The following ARL17B variants were observed in gnomAD, a reference collection of about 807,000 sequenced individuals.
ARL17B encodes the protein ARF like GTPase 17B, also known as ADP-ribosylation factor-like protein 17.
At chr17:46,288,075 C>T (rs975571706) in intron 4 of ARL17B, among the ~76,000 whole-genome samples, 1 of 152,128 alleles carries the variant, frequency 6.6e-6, no homozygotes, top group Non-Finnish European at 1.5e-5. Context: ...GAATGGAAGT[C>T]GTCCTCAAGC....
Position 46,275,339 on chromosome 17 carries a change from C to T in ARL17B, c.*101G>A, listed in dbSNP as rs191565624. On this transcript the variant is annotated 3_prime_UTR_variant, in exon 5 of 5. Coordinates refer to the ARL17B transcript ENST00000570618. Reference sequence around the variant, plus strand: ...CCTTAATTTAAAATAGTTCAGGCAACAAGATTCTTGCTGTGTTTTATGTTA... The same window carrying T: ...CCTTAATTTAAAATAGTTCAGGCAATAAGATTCTTGCTGTGTTTTATGTTA... 639 of 921,562 alleles carry T rather than the reference C, an allele frequency of 6.9e-4. 3 individuals carry two copies. Among genetic ancestry groups the T allele is most frequent in the Non-Finnish European group, 1.2e-4 (74 of 617,340 alleles). The allele number at this position is 921,562 out of a possible 1,614,324, so 57.1% of individuals were successfully genotyped here.
At chr17:46,323,998 G>C (rs1181230081) in intron 3 of ARL17B, among the ~76,000 whole-genome samples, 1 of 103,408 alleles carries the variant, frequency 9.7e-6, no homozygotes, top group Admixed American at 9.7e-5. Context: ...TGTGGACTTT[G>C]GTAACTGCAG....
intron 4 of ARL17B, among the ~76,000 whole-genome samples, chr17:46,283,857 T>C (rs1257898642): frequency 3.3e-5 from 5 of 152,132 alleles, no homozygotes; most frequent in Non-Finnish European, 5.9e-5. Flanking sequence ...GGAGAGAAGG[T>C]CAGCAGATAA....
chr17:46,340,216 CTTTT>C (rs1199032296), intron 3 of ARL17B, among the ~76,000 whole-genome samples: 4 of 81,346 alleles, frequency 4.9e-5, no homozygotes, highest in Non-Finnish European at 1.4e-4. Flanking sequence ...GTTTTTTTTT[CTTTT>C]TTTTTTTCTT....
intron 4 of ARL17B, among the ~76,000 whole-genome samples, chr17:46,288,211 G>C (rs1338473619): frequency 6.6e-6 from 1 of 151,908 alleles, no homozygotes. Flanking sequence ...GCAGGATCAC[G>C]GCCCCCTGCA....
At position 46,314,729 on chromosome 17, in the gene ARL17B, C is replaced by T. The variant is rs1274664911; in HGVS notation, c.260-15064G>A. 5.0e-5 allele frequency among the ~76,000 whole-genome samples: 4 copies of T among 79,566 alleles called. 2 individuals are homozygous for T. The East Asian group carries it at 9.8e-4, about 19-fold the overall frequency. 52.2% of individuals were successfully genotyped at this position (79,566 alleles called of 152,430 possible). Reference sequence around the variant, plus strand: ...TCTGCTTCATGTTTACAGAATACTCCGTTGAATTTGGTTTGCCAGATTTTG... The same window carrying T: ...TCTGCTTCATGTTTACAGAATACTCTGTTGAATTTGGTTTGCCAGATTTTG... On this transcript the variant is annotated intron_variant, in intron 3 of 4. Transcript: ENST00000434041.
At chr17:46,274,588 T>G (rs1277467230), downstream of ARL17B, among the ~76,000 whole-genome samples, 1 of 152,248 alleles carries the variant, frequency 6.6e-6, no homozygotes, top group African/African-American at 2.4e-5. Context: ...TAACCGTGGC[T>G]GGATTTTATA....
At chr17:46,291,969 C>CAAAAAAAAAAAAAAAAAAAAAAA (rs59554870) in intron 4 of ARL17B, among the ~76,000 whole-genome samples, 4 of 58,082 alleles carry the variant, frequency 6.9e-5, no homozygotes, top group Admixed American at 2.0e-4. Context: ...TCTCAAAAAG[C>CAAAAAAAAAAAAAAAAAAAAAAA]AAAAAAAAAA....
chr17:46,284,340 A>G (rs1486624341), intron 4 of ARL17B, among the ~76,000 whole-genome samples: 2 of 152,236 alleles, frequency 1.3e-5, no homozygotes, highest in Non-Finnish European at 2.9e-5. Context: ...ATGACTCTTA[A>G]GGAGCATGCT....
At chr17:46,288,499 C>T (rs1426261238) in intron 4 of ARL17B, among the ~76,000 whole-genome samples, 3 of 151,850 alleles carry the variant, frequency 2.0e-5, no homozygotes, top group African/African-American at 4.8e-5. Flanking sequence ...GGTTGTGCCA[C>T]GTTGGCCAGG....
chr17:46,280,151 T>C (rs78485162), intron 4 of ARL17B, among the ~76,000 whole-genome samples: 15,774 of 145,664 alleles, frequency 0.11, 2 homozygotes, highest in Middle Eastern at 0.18. Context: ...GGCAGGTGGA[T>C]CACTTGCCTT....
At chr17:46,298,733 A>G (rs2050246023), downstream of ARL17B, among the ~76,000 whole-genome samples, 1 of 106,142 alleles carries the variant, frequency 9.4e-6, no homozygotes, top group South Asian at 3.2e-4. Context: ...CAAAAAAAAA[A>G]AAAAAAAAAA....
chr17:46,280,743 A>T (rs2696515), intron 4 of ARL17B, among the ~76,000 whole-genome samples: 21,684 of 151,690 alleles, frequency 0.14, 1,877 homozygotes, highest in Non-Finnish European at 0.22. Flanking sequence ...CCGCCTAAGT[A>T]TTGTATTTTT....
chr17:46,317,269 T>C (rs1484309781), intron 3 of ARL17B, among the ~76,000 whole-genome samples: 1 of 81,460 alleles, frequency 1.2e-5, no homozygotes, highest in Non-Finnish European at 3.7e-5. Flanking sequence ...CTTCAAGCAA[T>C]TCTTGAGCCT....
chr17:46,284,349 C>T (rs911037000), intron 4 of ARL17B, among the ~76,000 whole-genome samples: 3 of 152,256 alleles, frequency 2.0e-5, no homozygotes, highest in African/African-American at 4.8e-5. Context: ...AAGGAGCATG[C>T]TGCCTTCAAG....
chr17:46,332,562 A>T, downstream of ARL17B: 6 of 1,419,802 alleles, frequency 4.2e-6, no homozygotes, highest in Non-Finnish European at 5.8e-6. Flanking sequence ...CTCAAAAAAG[A>T]AGTTCCAGGA....
Position 46,304,910 on chromosome 17 carries a change from C to A in ARL17B, c.260-5245G>T, listed in dbSNP as rs1163924172. 1.2e-4 allele frequency among the ~76,000 whole-genome samples: 8 copies of A among 68,096 alleles called. 4 individuals carry two copies. Among genetic ancestry groups the A allele is most frequent in the Non-Finnish European group, 2.7e-4 (6 of 21,932 alleles). The allele number at this position is 68,096 out of a possible 152,430, so 44.7% of individuals were successfully genotyped here. A position where few individuals can be genotyped will look rare whatever the true frequency, so the allele number is the denominator to read the frequency against. On this transcript the variant is annotated intron_variant, in intron 3 of 4. Coordinates refer to the ARL17B transcript ENST00000434041. ...TTGAGACGGAATCTCGCTCTGTCGC[C>A]CAGGCTGGAGTGCAGTGGTGCGATC... is the stretch of plus-strand genomic sequence containing the variant.
At chr17:46,289,481 T>A (rs1335566377) in intron 4 of ARL17B, among the ~76,000 whole-genome samples, 1 of 152,144 alleles carries the variant, frequency 6.6e-6, no homozygotes, top group African/African-American at 2.4e-5. Context: ...CATAAGAATA[T>A]TTCTTAAAAT....
At chr17:46,311,458 G>T (rs1343348298) in intron 3 of ARL17B, among the ~76,000 whole-genome samples, 38 of 89,084 alleles carry the variant, frequency 4.3e-4, no homozygotes, top group African/African-American at 1.2e-3. Flanking sequence ...TTATTTTCAC[G>T]GCCTGCTTTG....
Sources: gnomAD v4.1 joint callset for allele counts (sites outside exome capture counted in the v4.1 genomes callset) on GRCh38, gnomAD v4.1.1 for gene constraint, MANE v1.5 for transcripts, NCBI Gene and HGNC (gene_info 2026-07-23, HGNC 2026-07-21) for gene names.